The following ZDHHC18 variants were observed in gnomAD, a reference collection of about 807,000 sequenced individuals.
The protein encoded by ZDHHC18 is zDHHC palmitoyltransferase 18, also known as palmitoyltransferase ZDHHC18.
A neutral mutation model predicts 37.5 loss-of-function variants in ZDHHC18; 23 were observed. The observed-to-expected ratio is 0.61, with a 90% CI of 0.44 to 0.87. The LOEUF is 0.87. Among genes scored for constraint, ZDHHC18 ranks in the 40% least tolerant of loss-of-function variants. The probability of loss-of-function intolerance (pLI) is 0.00; values close to 1 mark genes in which losing one functional copy is unlikely to be tolerated. For synonymous variants in ZDHHC18, 185 were observed against 218.7 expected (o/e 0.85, Z 1.36); for missense variants, 406 against 525.6 (o/e 0.77, Z 2.22).
At chr1:26,837,333 G>T (rs1483769695) in intron 2 of ZDHHC18, among the ~76,000 whole-genome samples, 2 of 145,238 alleles carry the variant, frequency 1.4e-5, no homozygotes, top group Admixed American at 1.4e-4. Context: ...TATTTAATAT[G>T]TATAATATAT....
chr1:26,841,967 CT>C (rs2081641329), intron 2 of ZDHHC18, among the ~76,000 whole-genome samples: 2 of 152,002 alleles, frequency 1.3e-5, no homozygotes, highest in Non-Finnish European at 2.9e-5. Flanking sequence ...AACCCTGTCT[CT>C]ACTAACAATA....
chr1:26,840,000 G>A (rs904723813), intron 2 of ZDHHC18, among the ~76,000 whole-genome samples: 8 of 152,232 alleles, frequency 5.3e-5, no homozygotes, highest in Non-Finnish European at 1.0e-4. Context: ...ATGACACAGC[G>A]CTCTGCCTCC....
chr1:26,832,735 T>G (rs943555194), intron 2 of ZDHHC18, 128 bp downstream of exon 2: 2 of 1,133,968 alleles, frequency 1.8e-6, no homozygotes, highest in Non-Finnish European at 2.5e-6. Flanking sequence ...CAAGGCAGGC[T>G]GGAGCTGACA....
At chr1:26,834,008 C>T (rs1262869255) in intron 2 of ZDHHC18, among the ~76,000 whole-genome samples, 1 of 152,198 alleles carries the variant, frequency 6.6e-6, no homozygotes, top group Non-Finnish European at 1.5e-5. Flanking sequence ...CTACATCCAG[C>T]GTCCTACCCC....
At chr1:26,833,846 G>C (rs775859705) in intron 2 of ZDHHC18, among the ~76,000 whole-genome samples, 6 of 152,046 alleles carry the variant, frequency 3.9e-5, no homozygotes, top group African/African-American at 9.7e-5. Context: ...TGCATCCATC[G>C]CTAGAAATCA....
intron 2 of ZDHHC18, 121 bp from the exon 3 acceptor site, chr1:26,848,487 G>T: frequency 7.6e-7 from 1 of 1,318,974 alleles, no homozygotes; most frequent in Non-Finnish European, 1.1e-6. Flanking sequence ...GTTTGTTCCT[G>T]GGAACCTGTT....
chr1:26,856,007 C>A lies in ZDHHC18; in HGVS notation c.*2164C>A, dbSNP rs930398018. ...TCAGGGGCTTGGAGACCCCCAAATT[C>A]TTCTTCCCTACTGCCTTTCCACTCC... On this transcript the variant is annotated 3_prime_UTR_variant, in exon 8 of 8. Transcript: ENST00000374142. The surrounding 1 kb of genome is among the most constrained non-coding windows in gnomAD (Gnocchi z 5.2). The A allele has an allele frequency of 9.3e-6, 3 of 323,890 alleles. No individual in the cohort carries two copies. The highest frequency in any genetic ancestry group is 2.2e-5 in the South Asian group (1 of 44,746). The allele number at this position is 323,890 out of a possible 1,614,324, so 20.1% of individuals were successfully genotyped here.
chr1:26,830,827 G>C (rs1006624995), intron 1 of ZDHHC18, among the ~76,000 whole-genome samples: 3 of 152,108 alleles, frequency 2.0e-5, no homozygotes, highest in Non-Finnish European at 4.4e-5. Context: ...TTGTTGCCTA[G>C]GCTGGAGTGC....
intron 2 of ZDHHC18, among the ~76,000 whole-genome samples, chr1:26,838,651 G>T (rs557969246): frequency 6.6e-6 from 1 of 152,372 alleles, no homozygotes; most frequent in African/African-American, 2.4e-5. Context: ...GAGGCTTAGA[G>T]ATTGATCAGC....
intron 2 of ZDHHC18, among the ~76,000 whole-genome samples, chr1:26,836,593 G>T (rs2081612979): frequency 6.8e-6 from 1 of 146,816 alleles, no homozygotes; most frequent in African/African-American, 2.5e-5. Flanking sequence ...TTTTGAGACG[G>T]AGTCTTGCTC....
rs1413130943 is a variant in ZDHHC18, at chr1:26,826,765, CGGCCCGCGGGGCGCGGAGCCGA to C, written c.-30_-9del. The C allele has an allele frequency of 2.1e-6, 2 of 955,406 alleles. No homozygotes were observed. Among genetic ancestry groups the C allele is most frequent in the East Asian group, 1.2e-4 (1 of 8,612 alleles). 59.2% of individuals were successfully genotyped at this position (955,406 alleles called of 1,614,324 possible). On this transcript the variant is annotated 5_prime_UTR_variant, in exon 1 of 8. Transcript: ENST00000374142. The surrounding 1 kb of genome is among the most constrained non-coding windows in gnomAD (Gnocchi z 5.2). ...CGGCCCGGTCCCGGAGTGGCCCGGC[CGGCCCGCGGGGCGCGGAGCCGA>C]GGCCCGCGGCTGGCTGCATGAAGGA...
intron 2 of ZDHHC18, among the ~76,000 whole-genome samples, chr1:26,842,839 C>A (rs1233858433): frequency 6.6e-6 from 1 of 152,256 alleles, no homozygotes; most frequent in Non-Finnish European, 1.5e-5. Flanking sequence ...GGTAGGCACT[C>A]AGTAAATAAT....
intron 2 of ZDHHC18, among the ~76,000 whole-genome samples, chr1:26,837,843 CTG>C (rs2081620546): frequency 6.6e-6 from 1 of 152,086 alleles, no homozygotes; most frequent in Admixed American, 6.6e-5. Flanking sequence ...ACCCCAGCCA[CTG>C]CTCTTCTCCT....
At chr1:26,838,412 G>T (rs1427375082) in intron 2 of ZDHHC18, among the ~76,000 whole-genome samples, 1 of 152,102 alleles carries the variant, frequency 6.6e-6, no homozygotes, top group Non-Finnish European at 1.5e-5. Flanking sequence ...CAAAGTGTTG[G>T]GATTACAGTC....
rs2081685319 is a variant in ZDHHC18, at chr1:26,848,597, C to T, written c.497-11C>T. ...TGGGCATTCCCCATCTTTCTCTCCT[C>T]CTTCCCTCAGACAACACAGGCAGTT... On this transcript the variant is annotated splice_polypyrimidine_tract_variant and intron_variant, in intron 2 of 7. Transcript: ENST00000374142. The T allele has an allele frequency of 1.9e-6, 3 of 1,606,662 alleles. No individual in the cohort carries two copies. Among genetic ancestry groups the T allele is most frequent in the Non-Finnish European group, 2.6e-6 (3 of 1,173,690 alleles).
At chr1:26,852,290 G>C (rs2081708724) in intron 6 of ZDHHC18, among the ~76,000 whole-genome samples, 1 of 152,224 alleles carries the variant, frequency 6.6e-6, no homozygotes, top group Non-Finnish European at 1.5e-5. Context: ...CAGAGCTAGA[G>C]AATCTGGCAA....
intron 2 of ZDHHC18, among the ~76,000 whole-genome samples, chr1:26,843,802 T>C (rs780006811): frequency 2.7e-5 from 4 of 150,182 alleles, no homozygotes; most frequent in Admixed American, 2.0e-4. Context: ...AAAAAAAAGG[T>C]ATAGAAATTT....
chr1:26,847,166 GT>G (rs1439633119), intron 2 of ZDHHC18, among the ~76,000 whole-genome samples: 1 of 151,996 alleles, frequency 6.6e-6, no homozygotes, highest in Non-Finnish European at 1.5e-5. Flanking sequence ...AAGTGCTGGG[GT>G]TACAGATGTG....
intron 2 of ZDHHC18, among the ~76,000 whole-genome samples, chr1:26,848,038 C>T (rs931805469): frequency 2.0e-5 from 3 of 152,086 alleles, no homozygotes; most frequent in African/African-American, 4.8e-5. Context: ...ACTGGCTGGG[C>T]GCGGTGCATC....
Sources: gnomAD v4.1 joint callset for allele counts (sites outside exome capture counted in the v4.1 genomes callset) on GRCh38, gnomAD v4.1.1 for gene constraint, Gnocchi (gnomAD v3.1) non-coding constraint, MANE v1.5 for transcripts, NCBI Gene and HGNC (gene_info 2026-07-23, HGNC 2026-07-21) for gene names.